Variants in PAAF1 observed in about 807,000 individuals in gnomAD.
The protein encoded by PAAF1 is proteasomal ATPase associated factor 1.
PAAF1 carries 46 observed loss-of-function variants against 52.8 expected under a neutral mutation model. The ratio of observed to expected loss-of-function variants is 0.87; its 90% confidence interval spans 0.69 to 1.11. PAAF1 has a LOEUF of 1.11. Ranked by LOEUF, PAAF1 falls within the 50% of genes most tolerant of loss-of-function variation. The probability of loss-of-function intolerance (pLI) is 0.00; values close to 1 mark genes in which losing one functional copy is unlikely to be tolerated. For missense variants in PAAF1, 424 were observed against 477.4 expected (o/e 0.89, Z 1.04); for synonymous variants, 178 against 172.8 (o/e 1.03, Z -0.24).
intron 3 of PAAF1, 76 bp from the exon 4 acceptor site, chr11:73,891,036 T>C (rs1461038881): frequency 1.8e-5 from 16 of 892,984 alleles, no homozygotes; most frequent in Non-Finnish European, 2.9e-5. Flanking sequence ...AGTCCTAATG[T>C]TTTCTTTAAG....
Position 73,914,448 on chromosome 11 carries a change from C to T in PAAF1, c.763C>T (p.Leu255Phe), listed in dbSNP as rs1472598055. The T allele has an allele frequency of 6.2e-6, 10 of 1,613,970 alleles. No individual in the cohort carries two copies. Among genetic ancestry groups the T allele is most frequent in the Non-Finnish European group, 7.6e-6 (9 of 1,179,988 alleles). The part of the protein sequence containing the change: ...REVGTEAKML[L>F]LAREDKKLQC... Reference sequence around the variant, plus strand: ...GGTTGGAACAGAGGCCAAAATGCTGCTCTTGGCCCGGGAAGATAAGAAACT... The same window carrying T: ...GGTTGGAACAGAGGCCAAAATGCTGTTCTTGGCCCGGGAAGATAAGAAACT... Residue 255 changes from leucine (L) to phenylalanine (F), a missense_variant, in exon 8 of 12, where the codon CTC becomes TTC. Coordinates refer to ENST00000310571, the MANE Select transcript of PAAF1 (RefSeq NM_025155.3).
intron 6 of PAAF1, among the ~76,000 whole-genome samples, chr11:73,908,329 ATATATATGTGTATATATGTG>A: frequency 6.9e-6 from 1 of 145,132 alleles, no homozygotes; most frequent in Admixed American, 6.9e-5. Context: ...GTATATATGT[ATATATATGTGTATATATGTG>A]TATATATGTG....
intron 4 of PAAF1, among the ~76,000 whole-genome samples, chr11:73,896,597 G>C (rs1949373736): frequency 6.6e-6 from 1 of 151,708 alleles, no homozygotes; most frequent in Non-Finnish European, 1.5e-5. Context: ...ACATGTTTCA[G>C]AGAGCACAGG....
intron 8 of PAAF1, 101 bp from the exon 9 acceptor site, chr11:73,916,444 A>G: frequency 7.1e-6 from 5 of 706,342 alleles, no homozygotes; most frequent in Non-Finnish European, 1.2e-5. Context: ...AAGGAAGAAA[A>G]TATCTCAAAA....
intron 6 of PAAF1, among the ~76,000 whole-genome samples, chr11:73,908,243 ATGTGTATATATATGTATATATG>A (rs1317848260): frequency 1.5e-4 from 22 of 148,142 alleles, no homozygotes; most frequent in African/African-American, 4.5e-4. Context: ...GTGTATATAT[ATGTGTATATATATGTATATATG>A]TGTATATATG....
chr11:73,883,935 T>C (rs1435866279), intron 2 of PAAF1, among the ~76,000 whole-genome samples: 1 of 152,166 alleles, frequency 6.6e-6, no homozygotes, highest in East Asian at 1.9e-4. Context: ...ATTTCTAGTT[T>C]TTGGCTATTA....
rs1401832647 is a variant in PAAF1, at chr11:73,914,512, G to A, written c.819+8G>A. Reference sequence around the variant, plus strand: ...CTACAGAGCAGGCAGCTGGCAAGTGGTTCCTATATGACCTTTGAACTCTGA... The same window carrying A: ...CTACAGAGCAGGCAGCTGGCAAGTGATTCCTATATGACCTTTGAACTCTGA... On this transcript the variant is annotated splice_region_variant and intron_variant, in intron 8 of 11. Coordinates refer to ENST00000310571, the MANE Select transcript of PAAF1 (RefSeq NM_025155.3). 1 of 1,613,480 alleles carries A rather than the reference G, an allele frequency of 6.2e-7. No individual in the cohort carries two copies. The highest frequency in any genetic ancestry group is 2.2e-5 in the East Asian group (1 of 44,864).
At chr11:73,898,981 T>C (rs1949514230) in intron 4 of PAAF1, among the ~76,000 whole-genome samples, 165 bp from the exon 5 acceptor site, 1 of 152,224 alleles carries the variant, frequency 6.6e-6, no homozygotes, top group Non-Finnish European at 1.5e-5. Context: ...GTTGGGAGGT[T>C]GGTGATGATA....
intron 2 of PAAF1, chr11:73,879,689 G>A (rs3758933): frequency 0.13 from 18,940 of 145,436 alleles, 1,363 homozygotes; most frequent in Admixed American, 0.16. Context: ...AACAAAGTGA[G>A]ACCCCCTCCC....
chr11:73,890,570 G>A (rs527896798), intron 3 of PAAF1, among the ~76,000 whole-genome samples: 1 of 152,144 alleles, frequency 6.6e-6, no homozygotes, highest in Non-Finnish European at 1.5e-5. Context: ...ATATTTTATG[G>A]GTGTACCATA....
chr11:73,900,189 A>G, intron 5 of PAAF1, 81 bp from the exon 6 acceptor site: 1 of 1,434,910 alleles, frequency 7.0e-7, no homozygotes, highest in Non-Finnish European at 9.4e-7. Context: ...TATTTCATAT[A>G]AGGGACCAGA....
intron 4 of PAAF1, among the ~76,000 whole-genome samples, chr11:73,892,900 T>C (rs1949237246): frequency 6.6e-6 from 1 of 152,178 alleles, no homozygotes; most frequent in African/African-American, 2.4e-5. Flanking sequence ...GACCTTGTGA[T>C]CCGCCCACCT....
chr11:73,922,332 G>A, intron 10 of PAAF1: 2 of 365,122 alleles, frequency 5.5e-6, no homozygotes, highest in Non-Finnish European at 1.0e-5. Context: ...TGTTTTCAGA[G>A]GACAAAACTA....
intron 11 of PAAF1, among the ~76,000 whole-genome samples, 174 bp downstream of exon 11, chr11:73,924,871 G>A (rs1400307898): frequency 6.6e-6 from 1 of 152,042 alleles, no homozygotes; most frequent in Admixed American, 6.6e-5. Context: ...GTGATTTCTG[G>A]GCCAGGCATG....
chr11:73,886,943 G>C (rs1949077596), intron 2 of PAAF1: 3 of 400,114 alleles, frequency 7.5e-6, no homozygotes, highest in Non-Finnish European at 1.5e-5. Context: ...TTGTTAAAAA[G>C]ATCCTGGCAT....
chr11:73,930,730 G>C lies in PAAF1; in HGVS notation c.*3368G>C, dbSNP rs979339166. Reference sequence around the variant, plus strand: ...CCACTGCACTCCAGCTTGGGCAACAGAGCGAGACTCTCTCTCAAAAAAGAA... The same window carrying C: ...CCACTGCACTCCAGCTTGGGCAACACAGCGAGACTCTCTCTCAAAAAAGAA... On this transcript the variant is annotated 3_prime_UTR_variant, in exon 12 of 12. Transcript: ENST00000310571. 6.0e-5 allele frequency: 9 copies of C among 150,452 alleles called. No homozygotes were observed. The highest frequency in any genetic ancestry group is 2.2e-4 in the African/African-American group (9 of 40,962). The allele number at this position is 150,452 out of a possible 1,614,324, so 9.3% of individuals were successfully genotyped here. A position where few individuals can be genotyped will look rare whatever the true frequency, so the allele number is the denominator to read the frequency against.
chr11:73,902,910 A>C (rs1031244326), intron 6 of PAAF1, among the ~76,000 whole-genome samples: 14 of 152,146 alleles, frequency 9.2e-5, no homozygotes, highest in Non-Finnish European at 1.8e-4. Context: ...CATATTGGCC[A>C]GGCTGGTCTC....
At chr11:73,892,035 A>G (rs190333802) in intron 4 of PAAF1, among the ~76,000 whole-genome samples, 2 of 152,156 alleles carry the variant, frequency 1.3e-5, no homozygotes, top group East Asian at 3.9e-4. Context: ...TAAAAGAGCA[A>G]TTTTTGGCCA....
Position 73,877,515 on chromosome 11 carries a change from T to C in PAAF1, c.47+447T>C, listed in dbSNP as rs1476153247. ...TACTATTAAGGAAACTAATACTGTG[T>C]CCAGGCCCCATACTGGATGCTTGGT... On this transcript the variant is annotated intron_variant, in intron 1 of 11. Transcript: ENST00000310571. Among the ~76,000 whole-genome samples the C allele has an allele frequency of 2.0e-5, 3 of 152,200 alleles. No individual in the cohort carries two copies. The East Asian group carries it at 5.8e-4, about 29-fold the overall frequency.
Sources: gnomAD v4.1 joint callset for allele counts (sites outside exome capture counted in the v4.1 genomes callset) on GRCh38, gnomAD v4.1.1 for gene constraint, MANE v1.5 for transcripts, NCBI Gene and HGNC (gene_info 2026-07-23, HGNC 2026-07-21) for gene names.